NKIRAS1: variants seen among roughly 807,000 people sequenced by gnomAD.
The protein encoded by NKIRAS1 is NF-kappa-B inhibitor-interacting Ras-like protein 1.
In NKIRAS1, 16 loss-of-function variants were observed where a neutral mutation model predicts 19.8. The observed-to-expected ratio is 0.81, with a 90% CI of 0.55 to 1.23. The LOEUF is 1.23. Among genes scored for constraint, NKIRAS1 ranks in the 50% most tolerant of loss-of-function variants. The pLI is 0.00. For missense variants in NKIRAS1, 184 were observed against 220.0 expected (o/e 0.84, Z 1.04); for synonymous variants, 88 against 79.0 (o/e 1.11, Z -0.61).
Position 23,931,729 on chromosome 3 carries a change from AGAGAGAG to A in NKIRAS1, c.-140+14587_-140+14593del, listed in dbSNP as rs1559515831. Among the ~76,000 whole-genome samples the A allele has an allele frequency of 8.5e-5, 13 of 152,066 alleles. No individual in the cohort carries two copies. The East Asian group carries it at 1.9e-3, about 23-fold the overall frequency. Reference sequence around the variant, plus strand: ...AAAGGAAGGAGAGAGAGAGAGAGAGAGAGAGAGAAAGAAAGGTAGAGAAGAAGGGCGG... The same window carrying A: ...AAAGGAAGGAGAGAGAGAGAGAGAGAAAAGAAAGGTAGAGAAGAAGGGCGG... On this transcript the variant is annotated intron_variant, in intron 1 of 4. Coordinates refer to the NKIRAS1 transcript ENST00000421515.
rs1559503000 is a variant in NKIRAS1, at chr3:23,900,912, AT to A, written c.231del (p.Phe78LeufsTer11). On this transcript the variant is annotated frameshift_variant, in exon 4 of 5. Transcript: ENST00000425478. LOFTEE classifies it high-confidence loss of function. ...TACACAAGAACGAAGCCATCAGCAA[AT>A]GAAAAATAATGCTTTGGCAGCTCCA... ...EGVELPKHYFSFADGFVLVYS... is the reference protein window; with the variant it reads ...EGVELPKHYFXFADGFVLVYS... The A allele has an allele frequency of 6.2e-7, 1 of 1,614,200 alleles. No individual in the cohort carries two copies. The highest frequency in any genetic ancestry group is 8.5e-7 in the Non-Finnish European group (1 of 1,180,026).
intron 1 of NKIRAS1, among the ~76,000 whole-genome samples, chr3:23,915,316 A>T (rs1380469554): frequency 6.6e-6 from 1 of 152,160 alleles, no homozygotes; most frequent in Non-Finnish European, 1.5e-5. Context: ...AAGCCAAGGA[A>T]ATAAATGTAC....
chr3:23,901,851 T>C (rs1386230825), intron 3 of NKIRAS1, among the ~76,000 whole-genome samples: 1 of 152,184 alleles, frequency 6.6e-6, no homozygotes, highest in African/African-American at 2.4e-5. Flanking sequence ...GGTGGGCAGA[T>C]CACCTGAGGT....
At chr3:23,895,857 C>G (rs1701926757) in intron 4 of NKIRAS1, among the ~76,000 whole-genome samples, 1 of 152,046 alleles carries the variant, frequency 6.6e-6, no homozygotes, top group Non-Finnish European at 1.5e-5. Flanking sequence ...GAATTTCAGC[C>G]AGGCACGGTG....
At chr3:23,918,875 G>A (rs916338034), upstream of NKIRAS1, 4 of 503,692 alleles carry the variant, frequency 7.9e-6, no homozygotes, top group African/African-American at 1.9e-5. Context: ...AAAGCTAAAC[G>A]TTGCTGAGCT....
chr3:23,917,412 A>T (rs1014614450), upstream of NKIRAS1: 1 of 153,668 alleles, frequency 6.5e-6, no homozygotes, highest in Admixed American at 6.5e-5. Context: ...CGTGGGGCTG[A>T]CGAATGGGGC....
chr3:23,946,072 G>A (rs2125276893), intron 1 of NKIRAS1: 1 of 983,762 alleles, frequency 1.0e-6, no homozygotes, highest in Admixed American at 6.2e-5. Flanking sequence ...CAGCCTCCCG[G>A]GAGGCTCCGC....
intron 4 of NKIRAS1, among the ~76,000 whole-genome samples, chr3:23,894,373 G>A (rs918687693): frequency 5.9e-5 from 9 of 152,174 alleles, no homozygotes; most frequent in African/African-American, 1.7e-4. Context: ...TCTGTACATT[G>A]AGCTTGAGCT....
At chr3:23,919,409 G>C, upstream of NKIRAS1, 2 of 1,603,864 alleles carry the variant, frequency 1.2e-6, no homozygotes, top group Non-Finnish European at 1.7e-6. Flanking sequence ...CCGTGGCCTT[G>C]GAAAGGGCCA....
intron 4 of NKIRAS1, among the ~76,000 whole-genome samples, chr3:23,895,339 A>G (rs1036589200): frequency 6.6e-6 from 1 of 152,072 alleles, no homozygotes; most frequent in African/African-American, 2.4e-5. Flanking sequence ...ACTGCTCTCT[A>G]TGATCTCAGT....
chr3:23,943,474 A>G (rs1208397582), intron 1 of NKIRAS1, among the ~76,000 whole-genome samples: 3 of 149,840 alleles, frequency 2.0e-5, no homozygotes. Context: ...CAGGTGATCC[A>G]CCCGCCTTGG....
rs72627080 is a variant in NKIRAS1 at position 23,914,281 on chromosome 3, T to G, written c.-140+2503A>C. ...CAGAAACAGCTCCCCAAAACCGTTA[T>G]TGCTTCTGTTCTTCTATGTAAGTGG... On this transcript the variant is annotated intron_variant, in intron 1 of 4. Transcript: ENST00000425478. 5.9e-3 allele frequency among the ~76,000 whole-genome samples: 904 copies of G among 152,338 alleles called. 17 individuals are homozygous for G. Among genetic ancestry groups the G allele is most frequent in the East Asian group, 0.049 (256 of 5,190 alleles).
chr3:23,896,337 G>A (rs989782803), intron 4 of NKIRAS1, among the ~76,000 whole-genome samples: 6 of 151,876 alleles, frequency 4.0e-5, no homozygotes, highest in Non-Finnish European at 7.4e-5. Context: ...ACAAACGGCC[G>A]GGCATGGTGG....
intron 1 of NKIRAS1, among the ~76,000 whole-genome samples, chr3:23,938,461 C>T (rs1447010481): frequency 6.6e-6 from 1 of 152,124 alleles, no homozygotes; most frequent in African/African-American, 2.4e-5. Flanking sequence ...ATTCTCCTGC[C>T]TCAGACTCCC....
At chr3:23,910,777 A>G in intron 3 of NKIRAS1, 34 bp downstream of exon 3, 1 of 1,524,880 alleles carries the variant, frequency 6.6e-7, no homozygotes, top group Non-Finnish European at 9.1e-7. Context: ...TAGCTCCCAG[A>G]ACCTAGAGAC....
chr3:23,918,705 T>C (rs1704863997), upstream of NKIRAS1: 7 of 1,129,266 alleles, frequency 6.2e-6, no homozygotes, highest in East Asian at 2.4e-5. Flanking sequence ...TGATTTTTAC[T>C]AATCTTGGTG....
chr3:23,898,780 T>C (rs941202937), intron 4 of NKIRAS1, among the ~76,000 whole-genome samples: 1 of 152,086 alleles, frequency 6.6e-6, no homozygotes, highest in Admixed American at 6.6e-5. Flanking sequence ...CCCCAACCCC[T>C]AGGTCATGCG....
At chr3:23,909,710 T>C (rs915133666) in intron 3 of NKIRAS1, among the ~76,000 whole-genome samples, 6 of 152,340 alleles carry the variant, frequency 3.9e-5, no homozygotes, top group Middle Eastern at 3.4e-3. Context: ...ACGTATCATA[T>C]ACCAATTAAT....
chr3:23,934,853 GA>G (rs1202135054), intron 1 of NKIRAS1, among the ~76,000 whole-genome samples: 2 of 100,830 alleles, frequency 2.0e-5, no homozygotes, highest in Non-Finnish European at 4.8e-5. Context: ...AACTTACAGA[GA>G]ATATCAGAAG....
Sources: allele counts gnomAD v4.1 joint callset (sites outside exome capture counted in the v4.1 genomes callset), GRCh38; gene constraint gnomAD v4.1.1; transcripts MANE v1.5; gene names NCBI Gene and HGNC (gene_info 2026-07-23, HGNC 2026-07-21).